The following PRKG1 variants were observed in gnomAD, a reference collection of about 807,000 sequenced individuals.
PRKG1 encodes the protein cGMP-dependent protein kinase 1.
In PRKG1, 35 loss-of-function variants were observed where a neutral mutation model predicts 88.1. The ratio of observed to expected loss-of-function variants is 0.40; its 90% CI spans 0.30 to 0.53. The LOEUF (loss-of-function observed/expected upper bound fraction) is 0.53, where lower values mean the gene tolerates loss of function less well. Ranked by LOEUF, PRKG1 falls within the 20% of genes least tolerant of loss-of-function variation. The pLI is 0.59. For missense variants in PRKG1, 540 were observed against 839.8 expected (o/e 0.64, Z 4.41); for synonymous variants, 303 against 292.5 (o/e 1.04, Z -0.37).
intron 2 of PRKG1, among the ~76,000 whole-genome samples, chr10:51,337,093 T>C (rs922164161): frequency 1.3e-5 from 2 of 152,040 alleles, no homozygotes; most frequent in Non-Finnish European, 2.9e-5. Flanking sequence ...ACAGAGAACT[T>C]AGGAATAAGA....
intron 5 of PRKG1, among the ~76,000 whole-genome samples, chr10:52,034,564 G>A (rs1438858767): frequency 7.3e-5 from 11 of 151,666 alleles, no homozygotes; most frequent in Non-Finnish European, 1.3e-4. Flanking sequence ...TGATTAGAGA[G>A]TGCCTAAGGA....
At chr10:52,057,680 A>G (rs1050272515) in intron 6 of PRKG1, among the ~76,000 whole-genome samples, 2 of 152,186 alleles carry the variant, frequency 1.3e-5, no homozygotes, top group Non-Finnish European at 2.9e-5. Context: ...ATGTGATTCA[A>G]AAATTCTTGT....
intron 2 of PRKG1, among the ~76,000 whole-genome samples, chr10:51,242,112 C>T (rs10822481): frequency 0.37 from 56,577 of 151,866 alleles, 10,897 homozygotes; most frequent in Middle Eastern, 0.45. Context: ...CAAGGGAAGT[C>T]GTCCTATATA....
chr10:51,544,497 A>G (rs1282111005), intron 3 of PRKG1, among the ~76,000 whole-genome samples: 1 of 151,988 alleles, frequency 6.6e-6, no homozygotes, highest in Non-Finnish European at 1.5e-5. Context: ...GCTATTGTGA[A>G]TAGTGCCACA....
intron 4 of PRKG1, among the ~76,000 whole-genome samples, chr10:51,883,345 T>C (rs891295870): frequency 2.0e-5 from 3 of 152,252 alleles, no homozygotes; most frequent in Non-Finnish European, 4.4e-5. Flanking sequence ...TAAATCTCTC[T>C]CTCTGTCTTT....
At chr10:51,585,936 G>T (rs911165390) in intron 3 of PRKG1, among the ~76,000 whole-genome samples, 2 of 152,184 alleles carry the variant, frequency 1.3e-5, no homozygotes, top group African/African-American at 4.8e-5. Flanking sequence ...GGTACACATG[G>T]CCGTAAAGAT....
At chr10:51,486,800 G>T (rs1840556052) in intron 3 of PRKG1, among the ~76,000 whole-genome samples, 1 of 152,034 alleles carries the variant, frequency 6.6e-6, no homozygotes, top group African/African-American at 2.4e-5. Flanking sequence ...CTCACAAAAG[G>T]ATTTTACCTT....
At chr10:51,327,980 G>A (rs986684468) in intron 2 of PRKG1, among the ~76,000 whole-genome samples, 9 of 152,122 alleles carry the variant, frequency 5.9e-5, no homozygotes, top group African/African-American at 2.2e-4. Context: ...TTTTTGTGGT[G>A]AGAACACTTT....
intron 7 of PRKG1, among the ~76,000 whole-genome samples, chr10:52,088,911 C>T (rs536950060): frequency 4.6e-5 from 7 of 152,258 alleles, no homozygotes; most frequent in African/African-American, 1.7e-4. Flanking sequence ...TGATGCATTA[C>T]CATTCAATCC....
intron 1 of PRKG1, among the ~76,000 whole-genome samples, chr10:51,128,753 A>T (rs1039445830): frequency 6.6e-6 from 1 of 152,188 alleles, no homozygotes; most frequent in Non-Finnish European, 1.5e-5. Flanking sequence ...AATACTTGGT[A>T]ATTAGAAGTT....
At position 51,155,969 on chromosome 10, in the gene PRKG1, A is replaced by C. The variant is rs140821676; in HGVS notation, c.478+2639A>C. On this transcript the variant is annotated intron_variant, in intron 2 of 17. Transcript: ENST00000373980. ...TCCAAGTTGACATGTAAAATTAAAC[A>C]TCACAAGTCAATCGACCCCTTGTCA... Among the ~76,000 whole-genome samples the C allele has an allele frequency of 2.9e-3, 438 of 152,114 alleles. 1 individual carries two copies. Among genetic ancestry groups the C allele is most frequent in the African/African-American group, 0.01 (418 of 41,542 alleles).
At chr10:52,009,373 C>T (rs562846120) in intron 5 of PRKG1, among the ~76,000 whole-genome samples, 1 of 152,064 alleles carries the variant, frequency 6.6e-6, no homozygotes, top group Non-Finnish European at 1.5e-5. Flanking sequence ...TTCCTATGCA[C>T]CAACAGCATC....
intron 3 of PRKG1, among the ~76,000 whole-genome samples, chr10:51,474,217 G>A (rs1366597832): frequency 6.6e-6 from 1 of 151,946 alleles, no homozygotes; most frequent in Admixed American, 6.6e-5. Flanking sequence ...TTCATAACTA[G>A]TGAGAAGGAG....
chr10:51,869,350 C>T (rs994341853), intron 4 of PRKG1, among the ~76,000 whole-genome samples: 2 of 151,762 alleles, frequency 1.3e-5, no homozygotes, highest in Admixed American at 1.3e-4. Flanking sequence ...TTTTGGTTAT[C>T]AATTGTGGTC....
intron 3 of PRKG1, among the ~76,000 whole-genome samples, chr10:51,510,440 A>C (rs1020079994): frequency 2.0e-5 from 3 of 152,124 alleles, no homozygotes; most frequent in African/African-American, 2.4e-5. Context: ...AGTCATATGA[A>C]ATGTTGCTTT....
intron 7 of PRKG1, among the ~76,000 whole-genome samples, chr10:52,085,290 T>C (rs1846884389): frequency 7.1e-6 from 1 of 141,208 alleles, no homozygotes; most frequent in African/African-American, 2.6e-5. Context: ...TTAGCATCCA[T>C]TGATGAAGAT....
chr10:51,284,662 GC>G (rs903251879), intron 2 of PRKG1, among the ~76,000 whole-genome samples: 11 of 152,194 alleles, frequency 7.2e-5, no homozygotes, highest in African/African-American at 2.6e-4. Flanking sequence ...TAGCTTGGAA[GC>G]AAAAATACAA....
chr10:51,349,484 ATG>A (rs1186738970), intron 2 of PRKG1, among the ~76,000 whole-genome samples: 5 of 112,962 alleles, frequency 4.4e-5, no homozygotes, highest in East Asian at 5.3e-4. Flanking sequence ...GTGTGTGTGT[ATG>A]TGTGTGTGTA....
intron 3 of PRKG1, among the ~76,000 whole-genome samples, chr10:51,561,690 G>A (rs538923623): frequency 5.8e-4 from 88 of 152,024 alleles, no homozygotes; most frequent in Non-Finnish European, 1.1e-3. Context: ...AGAGGAAGAA[G>A]AGAAAAGATG....
Sources: gnomAD v4.1 joint callset for allele counts (sites outside exome capture counted in the v4.1 genomes callset) on GRCh38, gnomAD v4.1.1 for gene constraint, MANE v1.5 for transcripts, NCBI Gene and HGNC (gene_info 2026-07-23, HGNC 2026-07-21) for gene names.